PDE4D: variants seen among roughly 807,000 people sequenced by gnomAD.
PDE4D encodes the protein phosphodiesterase 4D.
Under a neutral mutation model 87.4 loss-of-function variants are expected in PDE4D, and 24 were observed. The observed-to-expected ratio is 0.27, with a 90% CI of 0.20 to 0.39. The LOEUF (loss-of-function observed/expected upper bound fraction) is 0.39, where lower values mean the gene tolerates loss of function less well. PDE4D is among the 10% of genes least tolerant of loss of function. The pLI is 1.00. For missense variants in PDE4D, 714 were observed against 1,041.0 expected (o/e 0.69, Z 4.32); for synonymous variants, 384 against 383.2 (o/e 1.00, Z -0.02).
chr5:59,491,766 A>G (rs998529730), intron 1 of PDE4D, among the ~76,000 whole-genome samples: 1 of 152,244 alleles, frequency 6.6e-6, no homozygotes, highest in African/African-American at 2.4e-5. Context: ...ATAGTTAAAT[A>G]TAATGTATAA....
At chr5:59,449,360 C>G (rs147465128) in intron 1 of PDE4D, among the ~76,000 whole-genome samples, 1 of 152,328 alleles carries the variant, frequency 6.6e-6, no homozygotes, top group Non-Finnish European at 1.5e-5. Flanking sequence ...TGGAAATTTT[C>G]CACAGTGCTC....
chr5:59,628,111 G>A (rs1478758652), intron 1 of PDE4D, among the ~76,000 whole-genome samples: 1 of 152,144 alleles, frequency 6.6e-6, no homozygotes, highest in Non-Finnish European at 1.5e-5. Flanking sequence ...AAATGTTAAT[G>A]GGACTCTCAA....
chr5:59,334,413 T>C (rs531619495), intron 1 of PDE4D, among the ~76,000 whole-genome samples: 9 of 151,840 alleles, frequency 5.9e-5, no homozygotes, highest in Non-Finnish European at 1.3e-4. Context: ...AACCTGCCAT[T>C]ATGCCTGGCT....
chr5:59,928,951 A>C (rs1755584347), intron 3 of PDE4D, among the ~76,000 whole-genome samples: 2 of 151,568 alleles, frequency 1.3e-5, no homozygotes, highest in Non-Finnish European at 2.9e-5. Flanking sequence ...ATCATCCCCA[A>C]ATCAGAGCAA....
At chr5:59,651,485 T>C (rs1284324722) in intron 1 of PDE4D, among the ~76,000 whole-genome samples, 2 of 151,930 alleles carry the variant, frequency 1.3e-5, no homozygotes, top group Non-Finnish European at 2.9e-5. Context: ...CCTTCCAAAA[T>C]TTTATTTGGC....
intron 1 of PDE4D, among the ~76,000 whole-genome samples, chr5:60,260,965 GT>G (rs1749585040): frequency 6.6e-6 from 1 of 152,016 alleles, no homozygotes; most frequent in African/African-American, 2.4e-5. Flanking sequence ...TGGCCATCCT[GT>G]TTATATGCCA....
intron 1 of PDE4D, among the ~76,000 whole-genome samples, chr5:59,543,617 C>T (rs1162812076): frequency 6.6e-6 from 1 of 152,098 alleles, no homozygotes; most frequent in African/African-American, 2.4e-5. Flanking sequence ...GATTAACAGA[C>T]CCAGCTGCTG....
At chr5:59,202,560 A>G (rs1747735414) in intron 2 of PDE4D, among the ~76,000 whole-genome samples, 1 of 150,142 alleles carries the variant, frequency 6.7e-6, no homozygotes, top group Admixed American at 6.6e-5. Flanking sequence ...TTTTTTTGAG[A>G]TGGGGTTCTC....
chr5:59,703,801 T>C (rs922808955), intron 1 of PDE4D: 3 of 277,476 alleles, frequency 1.1e-5, no homozygotes, highest in African/African-American at 6.9e-5. Context: ...TGAAGCAACA[T>C]ACATACATTC....
chr5:59,533,823 C>A (rs1814658017), intron 1 of PDE4D, among the ~76,000 whole-genome samples: 1 of 152,060 alleles, frequency 6.6e-6, no homozygotes, highest in Non-Finnish European at 1.5e-5. Flanking sequence ...AGTGGATGCC[C>A]TTTTACTTTC....
At chr5:60,184,523 C>T (rs974313173) in intron 2 of PDE4D, among the ~76,000 whole-genome samples, 1 of 152,158 alleles carries the variant, frequency 6.6e-6, no homozygotes, top group Non-Finnish European at 1.5e-5. Flanking sequence ...AACAATTCCT[C>T]AGAGTTTGTT....
chr5:59,277,287 G>C (rs901851482), intron 1 of PDE4D, among the ~76,000 whole-genome samples: 1 of 152,030 alleles, frequency 6.6e-6, no homozygotes, highest in Non-Finnish European at 1.5e-5. Flanking sequence ...GGCCTCTTAC[G>C]GTAAATGCCA....
At chr5:60,051,270 A>C (rs920485065) in intron 2 of PDE4D, among the ~76,000 whole-genome samples, 1 of 152,172 alleles carries the variant, frequency 6.6e-6, no homozygotes, top group Non-Finnish European at 1.5e-5. Flanking sequence ...ACTGATTCTA[A>C]AATTGACCAC....
intron 1 of PDE4D, among the ~76,000 whole-genome samples, chr5:59,468,844 C>G (rs1271814763): frequency 6.6e-6 from 1 of 152,066 alleles, no homozygotes; most frequent in African/African-American, 2.4e-5. Context: ...AACCATAGGC[C>G]TAACTTAGAG....
intron 1 of PDE4D, among the ~76,000 whole-genome samples, chr5:59,224,633 C>T (rs760059102): frequency 4.6e-5 from 7 of 152,114 alleles, no homozygotes; most frequent in African/African-American, 1.7e-4. Context: ...TATGTTGAAG[C>T]CTTAATCACC....
intron 1 of PDE4D, among the ~76,000 whole-genome samples, chr5:59,869,263 A>G (rs1218472283): frequency 2.0e-5 from 3 of 152,282 alleles, no homozygotes; most frequent in South Asian, 4.1e-4. Flanking sequence ...AGAAAAAGGG[A>G]GATTTGAACT....
intron 1 of PDE4D, among the ~76,000 whole-genome samples, chr5:60,352,707 G>C (rs1409494852): frequency 4.6e-5 from 7 of 152,124 alleles, no homozygotes; most frequent in Admixed American, 3.9e-4. Context: ...CAATTTTGTT[G>C]GGCTTCAAAG....
intron 1 of PDE4D, among the ~76,000 whole-genome samples, chr5:59,541,766 C>T (rs1008272357): frequency 1.3e-5 from 2 of 152,230 alleles, no homozygotes; most frequent in African/African-American, 4.8e-5. Context: ...TTTACCTTCC[C>T]TTCAGCTGAA....
At chr5:59,746,401 T>A (rs948863643) in intron 1 of PDE4D, among the ~76,000 whole-genome samples, 8 of 152,056 alleles carry the variant, frequency 5.3e-5, no homozygotes, top group African/African-American at 1.9e-4. Flanking sequence ...CCCCTCAATT[T>A]CTATAAATGC....
Sources: gnomAD v4.1 joint callset for allele counts (sites outside exome capture counted in the v4.1 genomes callset) on GRCh38, gnomAD v4.1.1 for gene constraint, MANE v1.5 for transcripts, NCBI Gene and HGNC (gene_info 2026-07-23, HGNC 2026-07-21) for gene names.